The following SNX9 variants were observed in gnomAD, a reference collection of about 807,000 sequenced individuals.
SNX9 encodes the protein sorting nexin-9.
In SNX9, 44 loss-of-function variants were observed where a neutral mutation model predicts 89.4. That is an observed-to-expected ratio of 0.49 (90% CI 0.39 to 0.63). SNX9 has a LOEUF of 0.63. Ranked by LOEUF, SNX9 falls within the 30% of genes least tolerant of loss-of-function variation. The pLI, the probability that SNX9 is intolerant of heterozygous loss-of-function variation, is 0.00. For synonymous variants in SNX9, 236 were observed against 247.8 expected (o/e 0.95, Z 0.45); for missense variants, 578 against 736.1 (o/e 0.79, Z 2.49).
At chr6:157,892,328 C>G (rs1406722675) in intron 4 of SNX9, among the ~76,000 whole-genome samples, 3 of 152,126 alleles carry the variant, frequency 2.0e-5, no homozygotes, top group Non-Finnish European at 4.4e-5. Flanking sequence ...GGGAAGGGAC[C>G]TGCCAGGGCA....
At chr6:157,892,883 C>A (rs910936210) in intron 4 of SNX9, 3 of 152,152 alleles carry the variant, frequency 2.0e-5, no homozygotes, top group Admixed American at 6.5e-5. Context: ...GAACTCTAGC[C>A]CGAGGTTACA....
intron 4 of SNX9, among the ~76,000 whole-genome samples, chr6:157,881,956 G>A (rs1220768500): frequency 6.6e-6 from 1 of 152,198 alleles, no homozygotes; most frequent in Non-Finnish European, 1.5e-5. Context: ...ATTGATGATG[G>A]TGCTGCACTA....
chr6:157,872,890 T>C (rs1338875458), intron 2 of SNX9: 1 of 406,664 alleles, frequency 2.5e-6, no homozygotes, highest in African/African-American at 2.0e-5. Flanking sequence ...TCACTTATTA[T>C]TGAAGTTTGA....
At chr6:157,875,248 A>C in intron 4 of SNX9, 72 bp downstream of exon 4, 1 of 1,539,812 alleles carries the variant, frequency 6.5e-7, no homozygotes, top group Non-Finnish European at 8.8e-7. Flanking sequence ...AAGGCTTGTG[A>C]TGCATTATAG....
chr6:157,941,366 A>T (rs1784032118), intron 17 of SNX9, among the ~76,000 whole-genome samples: 1 of 152,208 alleles, frequency 6.6e-6, no homozygotes, highest in Non-Finnish European at 1.5e-5. Flanking sequence ...ACCACACAGG[A>T]AACCAAAGGC....
chr6:157,942,224 T>C (rs1418690715), intron 17 of SNX9, among the ~76,000 whole-genome samples: 3 of 152,312 alleles, frequency 2.0e-5, no homozygotes, highest in African/African-American at 4.8e-5. Flanking sequence ...AGCAGACATA[T>C]ATTGAGTGTT....
chr6:157,847,557 G>T (rs899351300), intron 1 of SNX9, among the ~76,000 whole-genome samples: 1 of 151,770 alleles, frequency 6.6e-6, no homozygotes, highest in Non-Finnish European at 1.5e-5. Flanking sequence ...CATCCATTTC[G>T]ATTGTTGAGT....
At chr6:157,912,081 A>G (rs1179074098) in intron 9 of SNX9, among the ~76,000 whole-genome samples, 1 of 152,012 alleles carries the variant, frequency 6.6e-6, no homozygotes. Context: ...CTGTACCTCA[A>G]CCCGGTTCAG....
chr6:157,861,350 T>C (rs1289356077), intron 1 of SNX9, among the ~76,000 whole-genome samples: 1 of 152,214 alleles, frequency 6.6e-6, no homozygotes, highest in Non-Finnish European at 1.5e-5. Context: ...CCGCATCCCC[T>C]TGGAGCTTCT....
In SNX9 at chr6:157,943,907, G is replaced by C. The variant is rs575097706; in HGVS notation, c.*1069G>C. 1 of 152,408 alleles carries C rather than the reference G, an allele frequency of 6.6e-6. No homozygotes were observed. The highest frequency in any genetic ancestry group is 1.9e-4 in the East Asian group (1 of 5,182). The allele number at this position is 152,408 out of a possible 1,614,324, so 9.4% of individuals were successfully genotyped here. On this transcript the variant is annotated 3_prime_UTR_variant, in exon 18 of 18. Transcript: ENST00000392185. ...GCACAGGTTAGCTCCCCATTAGATG[G>C]AAAAGTGTAGGGACTGAGAAGGGCT...
At chr6:157,911,962 C>A (rs1433887949) in intron 9 of SNX9, among the ~76,000 whole-genome samples, 1 of 152,156 alleles carries the variant, frequency 6.6e-6, no homozygotes, top group Non-Finnish European at 1.5e-5. Context: ...TGAGTGGTCC[C>A]TCGTGGTGCT....
intron 4 of SNX9, among the ~76,000 whole-genome samples, chr6:157,893,029 C>T (rs78271553): frequency 0.012 from 1,826 of 152,260 alleles, 42 homozygotes; most frequent in African/African-American, 0.042. Flanking sequence ...GATAGTCTGT[C>T]CCTAGTGTCC....
intron 15 of SNX9, among the ~76,000 whole-genome samples, chr6:157,938,244 AAG>A (rs930094879): frequency 3.3e-5 from 5 of 152,234 alleles, no homozygotes; most frequent in African/African-American, 9.6e-5. Context: ...TGTATAAAAA[AAG>A]AGAGAGAGTG....
At chr6:157,881,230 T>C (rs946785559) in intron 4 of SNX9, among the ~76,000 whole-genome samples, 1 of 152,226 alleles carries the variant, frequency 6.6e-6, no homozygotes, top group Non-Finnish European at 1.5e-5. Flanking sequence ...TATATCTGTT[T>C]TGATGATTCA....
chr6:157,909,879 TA>T, intron 8 of SNX9, 28 bp from the exon 9 acceptor site: 1 of 1,612,216 alleles, frequency 6.2e-7, no homozygotes, highest in Non-Finnish European at 8.5e-7. Context: ...TTGGCATTGG[TA>T]ACCTTTTCTC....
At chr6:157,931,120 TCTC>T (rs1375680731) in intron 12 of SNX9, among the ~76,000 whole-genome samples, 4 of 152,226 alleles carry the variant, frequency 2.6e-5, no homozygotes, top group Non-Finnish European at 5.9e-5. Flanking sequence ...CTCAGGCATA[TCTC>T]CTCCTGTTTC....
At chr6:157,840,667 C>T (rs1464169364) in intron 1 of SNX9, among the ~76,000 whole-genome samples, 1 of 152,118 alleles carries the variant, frequency 6.6e-6, no homozygotes, top group Non-Finnish European at 1.5e-5. Context: ...AAATCCTGTG[C>T]TCCATTTAAG....
chr6:157,855,483 T>C (rs1781991806), intron 1 of SNX9, among the ~76,000 whole-genome samples: 1 of 152,254 alleles, frequency 6.6e-6, no homozygotes, highest in Non-Finnish European at 1.5e-5. Flanking sequence ...GTTAGCGCGA[T>C]GTAAGGATAC....
chr6:157,887,810 C>G (rs1157861011), intron 4 of SNX9, among the ~76,000 whole-genome samples: 2 of 152,170 alleles, frequency 1.3e-5, no homozygotes, highest in East Asian at 3.8e-4. Flanking sequence ...GCTTATTTCA[C>G]AGGAGAGTTG....
Sources: allele counts gnomAD v4.1 joint callset (sites outside exome capture counted in the v4.1 genomes callset), GRCh38; gene constraint gnomAD v4.1.1; transcripts MANE v1.5; gene names NCBI Gene and HGNC (gene_info 2026-07-23, HGNC 2026-07-21).